The following PALLD variants were observed in gnomAD, a reference collection of about 807,000 sequenced individuals.
PALLD encodes the protein palladin.
In PALLD, 61 loss-of-function variants were observed where a neutral mutation model predicts 123.5. That is an observed-to-expected ratio of 0.49 (90% CI 0.40 to 0.61). PALLD has a LOEUF of 0.61. Among genes scored for constraint, PALLD ranks in the 20% least tolerant of loss-of-function variants. The probability of loss-of-function intolerance (pLI) is 0.00; values close to 1 mark genes in which losing one functional copy is unlikely to be tolerated. For synonymous variants in PALLD, 465 were observed against 496.4 expected (o/e 0.94, Z 0.84); for missense variants, 1,273 against 1,377.0 (o/e 0.92, Z 1.20).
chr4:168,921,371 C>T (rs1475193671), intron 17 of PALLD, among the ~76,000 whole-genome samples, 163 bp from the exon 18 acceptor site: 1 of 127,098 alleles, frequency 7.9e-6, no homozygotes, highest in Non-Finnish European at 1.6e-5. Context: ...TGTGCCACTG[C>T]ACTCCAGCCT....
At chr4:168,505,001 A>G (rs1307682080) in intron 1 of PALLD, 12 of 152,146 alleles carry the variant, frequency 7.9e-5, no homozygotes, top group Admixed American at 7.9e-4. Flanking sequence ...CAGGCAAATG[A>G]TGGAGATGTT....
chr4:168,890,495 G>A (rs1263653163), intron 10 of PALLD, among the ~76,000 whole-genome samples: 1 of 152,056 alleles, frequency 6.6e-6, no homozygotes, highest in African/African-American at 2.4e-5. Flanking sequence ...ATAAAAATAC[G>A]TTCTCTTTCA....
At chr4:168,641,574 C>T (rs76590916) in intron 2 of PALLD, among the ~76,000 whole-genome samples, 5,380 of 152,180 alleles carry the variant, frequency 0.035, 328 homozygotes, top group East Asian at 0.27. Context: ...GTTTTGCTGA[C>T]GCATTGAACT....
At chr4:168,667,263 G>C (rs1580845142) in intron 2 of PALLD, among the ~76,000 whole-genome samples, 1 of 152,180 alleles carries the variant, frequency 6.6e-6, no homozygotes, top group East Asian at 1.9e-4. Context: ...ACTGGACTTA[G>C]AGAAAATCTC....
rs113825290 is a variant in PALLD, at chr4:168,759,436, C to T, written c.1964+47513C>T. 2.8e-4 allele frequency among the ~76,000 whole-genome samples: 42 copies of T among 151,490 alleles called. 1 individual carries two copies. The highest frequency in any genetic ancestry group is 9.2e-4 in the African/African-American group (38 of 41,290). The stretch of plus-strand genomic sequence containing the variant: ...TCTACTTGGCAGGAAGGTACCTAGA[C>T]CTCACTCACCTATTCAAGGAAACTG... On this transcript the variant is annotated intron_variant, in intron 10 of 21. Coordinates refer to ENST00000505667, the MANE Select transcript of PALLD (RefSeq NM_001166108.2).
chr4:168,785,846 G>GAGATATATATAT (rs764117358), intron 10 of PALLD, among the ~76,000 whole-genome samples: 2 of 80,916 alleles, frequency 2.5e-5, no homozygotes, highest in African/African-American at 3.9e-5. Context: ...AAACTGTAGA[G>GAGATATATATAT]ATATATATAT....
At chr4:168,796,660 T>C (rs1342099271) in intron 10 of PALLD, among the ~76,000 whole-genome samples, 1 of 152,186 alleles carries the variant, frequency 6.6e-6, no homozygotes, top group Non-Finnish European at 1.5e-5. Context: ...AAATGGCATA[T>C]CTTCTGTAAA....
intron 2 of PALLD, among the ~76,000 whole-genome samples, chr4:168,522,866 G>C (rs6818921): frequency 0.74 from 112,582 of 151,996 alleles, 41,913 homozygotes; most frequent in East Asian, 0.86. Context: ...CTCCTGAACT[G>C]TGATAGAGAA....
intron 1 of PALLD, among the ~76,000 whole-genome samples, chr4:168,510,042 C>T (rs1375184817): frequency 6.6e-6 from 1 of 152,224 alleles, no homozygotes; most frequent in Non-Finnish European, 1.5e-5. Flanking sequence ...ACCAAGTTTA[C>T]TCCTGACTGA....
intron 3 of PALLD, among the ~76,000 whole-genome samples, chr4:168,669,401 AAAAAC>A (rs969138125): frequency 1.3e-5 from 2 of 151,962 alleles, no homozygotes; most frequent in Non-Finnish European, 2.9e-5. Context: ...CCCTGTCTCA[AAAAAC>A]AAAACAAAAC....
At position 168,878,050 on chromosome 4, in the gene PALLD, C is replaced by T. The variant is rs1752030193; in HGVS notation, c.1965-12872C>T. ...CCAGCTCGTCCAGCCTCCCGTCGCC[C>T]ATGTCCCCGACGCCGAGGCAGTTCG... On this transcript the variant is annotated intron_variant, in intron 10 of 21. Coordinates refer to ENST00000505667, the MANE Select transcript of PALLD (RefSeq NM_001166108.2). 6.7e-7 allele frequency: 1 copy of T among 1,483,594 alleles called. No individual in the cohort carries two copies. The highest frequency in any genetic ancestry group is 8.9e-7 in the Non-Finnish European group (1 of 1,123,386). The allele number at this position is 1,483,594 out of a possible 1,614,324, so 91.9% of individuals were successfully genotyped here.
chr4:168,707,860 T>C (rs1390055577), intron 8 of PALLD, among the ~76,000 whole-genome samples: 2 of 152,236 alleles, frequency 1.3e-5, no homozygotes, highest in African/African-American at 4.8e-5. Flanking sequence ...GCCCACATAA[T>C]TATCTTTATA....
Position 168,643,483 on chromosome 4 carries a change from A to T in PALLD, c.909-24707A>T, listed in dbSNP as rs1777151170. On this transcript the variant is annotated intron_variant, in intron 2 of 21. Coordinates refer to ENST00000505667, the MANE Select transcript of PALLD (RefSeq NM_001166108.2). Reference sequence around the variant, plus strand: ...CTATGCCGTGTATGATTTCCAATACACATGTGTTAGTAATTACTACCAATA... The same window carrying T: ...CTATGCCGTGTATGATTTCCAATACTCATGTGTTAGTAATTACTACCAATA... Among the ~76,000 whole-genome samples the T allele has an allele frequency of 2.0e-5, 3 of 152,160 alleles. No individual in the cohort carries two copies. In the South Asian group the frequency reaches 6.2e-4, roughly 32 times the overall value.
At chr4:168,774,298 A>G (rs1325111455) in intron 10 of PALLD, among the ~76,000 whole-genome samples, 1 of 152,046 alleles carries the variant, frequency 6.6e-6, no homozygotes, top group Non-Finnish European at 1.5e-5. Context: ...ATCCTTGTGG[A>G]TTTTTTTCAT....
intron 2 of PALLD, among the ~76,000 whole-genome samples, chr4:168,582,356 A>AT (rs1286965546): frequency 6.6e-6 from 1 of 151,986 alleles, no homozygotes; most frequent in Admixed American, 6.6e-5. Flanking sequence ...TGTTTATCAG[A>AT]TTTTTTGTGG....
At chr4:168,896,658 T>C in intron 13 of PALLD, 59 bp downstream of exon 13, 2 of 931,484 alleles carry the variant, frequency 2.1e-6, no homozygotes, top group Non-Finnish European at 3.3e-6. Flanking sequence ...TTTCTTCTGT[T>C]CTTCCTGTTT....
chr4:168,834,597 T>C (rs1001399303), intron 10 of PALLD, among the ~76,000 whole-genome samples: 1 of 151,952 alleles, frequency 6.6e-6, no homozygotes, highest in African/African-American at 2.4e-5. Context: ...ATTAGCCAGG[T>C]GTGGTGGTGT....
intron 15 of PALLD, among the ~76,000 whole-genome samples, chr4:168,913,458 A>G (rs1759463967): frequency 6.6e-6 from 1 of 152,108 alleles, no homozygotes; most frequent in South Asian, 2.1e-4. Flanking sequence ...TTTAATTAGT[A>G]TATTACTATA....
intron 10 of PALLD, among the ~76,000 whole-genome samples, chr4:168,846,875 CA>C (rs1456884777): frequency 6.6e-6 from 1 of 152,112 alleles, no homozygotes; most frequent in Non-Finnish European, 1.5e-5. Context: ...TAGAAATAAG[CA>C]ATTCGCTTAC....
Sources: gnomAD v4.1 joint callset for allele counts (sites outside exome capture counted in the v4.1 genomes callset) on GRCh38, gnomAD v4.1.1 for gene constraint, MANE v1.5 for transcripts, NCBI Gene and HGNC (gene_info 2026-07-23, HGNC 2026-07-21) for gene names.